Variants in SPG7 observed in about 807,000 individuals in gnomAD.
The protein encoded by SPG7 is mitochondrial inner membrane m-AAA protease component paraplegin.
SPG7 carries 103 observed loss-of-function variants against 81.9 expected under a neutral mutation model. That is an observed-to-expected ratio of 1.26 (90% confidence interval 1.07 to 1.48). The LOEUF (loss-of-function observed/expected upper bound fraction) is 1.48. Ranked by LOEUF, SPG7 falls within the 40% of genes most tolerant of loss-of-function variation. The pLI is 0.00. For synonymous variants in SPG7, 534 were observed against 444.2 expected (o/e 1.20, Z -2.54); for missense variants, 1,241 against 1,087.3 (o/e 1.14, Z -1.99).
chr16:89,536,496 CAGGT>C (rs2058421535), intron 9 of SPG7, among the ~76,000 whole-genome samples: 3 of 43,510 alleles, frequency 6.9e-5, no homozygotes, highest in South Asian at 2.2e-3. Flanking sequence ...TCAGGTGAGG[CAGGT>C]GAGGTGAGGC....
At chr16:89,547,029 C>T in intron 11 of SPG7, 1 of 441,436 alleles carries the variant, frequency 2.3e-6, no homozygotes, top group Non-Finnish European at 4.3e-6. Flanking sequence ...AGTTATGTTG[C>T]TTCCACACAG....
chr16:89,536,162 C>CTCTGA, intron 9 of SPG7, among the ~76,000 whole-genome samples: 2 of 106,292 alleles, frequency 1.9e-5, no homozygotes, highest in Admixed American at 9.5e-5. Context: ...TTCAGTGTGG[C>CTCTGA]CGCTCTGGTG....
chr16:89,523,696 G>C (rs1464040068), intron 3 of SPG7: 2 of 497,602 alleles, frequency 4.0e-6, no homozygotes, highest in South Asian at 3.1e-5. Flanking sequence ...CCAAGTAGCT[G>C]GGACCACAGG....
chr16:89,531,701 C>T lies in SPG7; in HGVS notation c.988-203C>T, dbSNP rs778735628. On this transcript the variant is annotated intron_variant, in intron 7 of 16. Coordinates refer to ENST00000645818, the MANE Select transcript of SPG7 (RefSeq NM_003119.4). The stretch of plus-strand genomic sequence containing the variant: ...CAAGAAGTTTTTAAAAGTAGCTGGG[C>T]GTGGTGCCACATGCCTGTATATTCC... 1,001 of 598,816 alleles carry T rather than the reference C, an allele frequency of 1.7e-3. 5 individuals are homozygous for T. The highest frequency in any genetic ancestry group is 8.7e-4 in the Middle Eastern group (2 of 2,304). 37.1% of individuals were successfully genotyped at this position (598,816 alleles called of 1,614,324 possible). A position where few individuals can be genotyped will look rare whatever the true frequency, so the allele number is the denominator to read the frequency against.
rs752453103 is a variant in SPG7, at chr16:89,508,608, C to T, written c.183+8C>T. 3.4e-6 allele frequency: 5 copies of T among 1,452,326 alleles called. No individual in the cohort carries two copies. The highest frequency in any genetic ancestry group is 1.5e-5 in the African/African-American group (1 of 67,338). 90.0% of individuals were successfully genotyped at this position (1,452,326 alleles called of 1,614,324 possible). On this transcript the variant is annotated splice_region_variant and intron_variant, in intron 1 of 16. Transcript: ENST00000645818. Reference sequence around the variant, plus strand: ...GGAGGCCGAGCTCTGCAGGTAAATCCCCGCGGAGTCCGGGCCCCACCTCCC... The same window carrying T: ...GGAGGCCGAGCTCTGCAGGTAAATCTCCGCGGAGTCCGGGCCCCACCTCCC...
In SPG7 at chr16:89,557,128, G is replaced by A; in HGVS notation, c.*35G>A. The A allele has an allele frequency of 6.4e-7, 1 of 1,562,476 alleles. No homozygotes were observed. On this transcript the variant is annotated 3_prime_UTR_variant, in exon 17 of 17. Coordinates refer to ENST00000645818, the MANE Select transcript of SPG7 (RefSeq NM_003119.4). Reference sequence around the variant, plus strand: ...GTTGGCTGCACGTGCGGGTGGTCCGGGAAGTGAGGGCTCACTCAGCCACCC... The same window carrying A: ...GTTGGCTGCACGTGCGGGTGGTCCGAGAAGTGAGGGCTCACTCAGCCACCC...
chr16:89,529,655 G>A (rs11860549), intron 6 of SPG7, 76 bp downstream of exon 6: 8 of 1,089,736 alleles, frequency 7.3e-6, no homozygotes, highest in South Asian at 2.6e-5. Flanking sequence ...TAAGCTATAC[G>A]ATGAATACAC....
At chr16:89,509,957 A>G (rs1200776727) in intron 1 of SPG7, among the ~76,000 whole-genome samples, 2 of 145,382 alleles carry the variant, frequency 1.4e-5, no homozygotes, top group East Asian at 4.2e-4. Flanking sequence ...CCTGGCCACT[A>G]TCGTGATTTT....
chr16:89,512,160 C>T (rs549295317), intron 2 of SPG7, among the ~76,000 whole-genome samples: 58 of 152,268 alleles, frequency 3.8e-4, no homozygotes, highest in African/African-American at 1.2e-3. Context: ...ATCCACCCGA[C>T]TCGGCCTCCC....
chr16:89,544,231 C>T (rs1231157377), intron 9 of SPG7: 4 of 291,792 alleles, frequency 1.4e-5, no homozygotes, highest in South Asian at 9.6e-5. Flanking sequence ...TAGGGCCAGA[C>T]GTTGAAGATA....
At chr16:89,523,745 G>T (rs765669267) in intron 3 of SPG7, 2 of 595,096 alleles carry the variant, frequency 3.4e-6, no homozygotes, top group South Asian at 1.5e-5. Context: ...TTTCGATTTA[G>T]AAATGGTTTC....
intron 8 of SPG7, 124 bp downstream of exon 8, chr16:89,532,190 G>A (rs2058352951): frequency 1.2e-5 from 14 of 1,134,692 alleles, no homozygotes; most frequent in Non-Finnish European, 1.7e-5. Context: ...GAAGGAAAGC[G>A]AGGTCTGGGT....
At chr16:89,549,631 G>A (rs997212) in intron 12 of SPG7, 105,520 of 207,676 alleles carry the variant, frequency 0.51, 27,518 homozygotes, top group Non-Finnish European at 0.55. Context: ...TCGCACCACT[G>A]CCCTCCAGCC....
In SPG7 at chr16:89,553,852, T is replaced by G. The variant is rs944611963; in HGVS notation, c.1995T>G (p.Phe665Leu). Residue 665 changes from phenylalanine to leucine, a missense_variant, in exon 15 of 17, where the codon TTT becomes TTG. By Grantham distance (22) the Phe-to-Leu change is conservative. Transcript: ENST00000645818. Reference protein sequence around the residue: ...TRIAYSMVKQFGMAPGIGPIS... With the variant: ...TRIAYSMVKQLGMAPGIGPIS... ...TCGCCTACTCCATGGTGAAGCAGTTTGGGATGGCACCTGGCATCGGGCCCA... is the reference window on the plus strand; with the variant it reads ...TCGCCTACTCCATGGTGAAGCAGTTGGGGATGGCACCTGGCATCGGGCCCA... The G allele has an allele frequency of 8.1e-6, 13 of 1,613,536 alleles. No homozygotes were observed. Among genetic ancestry groups the G allele is most frequent in the Non-Finnish European group, 1.1e-5 (13 of 1,180,024 alleles).
chr16:89,550,365 G>T lies in SPG7; in HGVS notation c.1664-129G>T, dbSNP rs531577916. On this transcript the variant is annotated intron_variant, in intron 12 of 16. Transcript: ENST00000645818. The stretch of plus-strand genomic sequence containing the variant: ...TTTTTCTATTTTTAGTAGGGACGGG[G>T]TTTCACCATATTGGTCGGGCTGGTC... 597 of 740,298 alleles carry T rather than the reference G, an allele frequency of 8.1e-4. 10 individuals are homozygous for T. The highest frequency in any genetic ancestry group is 8.0e-3 in the South Asian group (579 of 72,184). 45.9% of individuals were successfully genotyped at this position (740,298 alleles called of 1,614,324 possible). A position where few individuals can be genotyped will look rare whatever the true frequency, so the allele number is the denominator to read the frequency against.
Position 89,553,775 on chromosome 16 carries a change from T to C in SPG7, c.1937-19T>C. Reference sequence around the variant, plus strand: ...GCCTGCAGTGCTGAGGATGCCTCTGTCTCGACCCCGCCCTCCAGGGGCACA... The same window carrying C: ...GCCTGCAGTGCTGAGGATGCCTCTGCCTCGACCCCGCCCTCCAGGGGCACA... On this transcript the variant is annotated intron_variant, in intron 14 of 16. Transcript: ENST00000645818. 4.3e-6 allele frequency: 7 copies of C among 1,613,150 alleles called. No homozygotes were observed. Among genetic ancestry groups the C allele is most frequent in the Non-Finnish European group, 5.9e-6 (7 of 1,179,882 alleles).
intron 10 of SPG7, chr16:89,546,432 C>CT (rs1274152585): frequency 3.9e-6 from 2 of 511,036 alleles, no homozygotes; most frequent in Admixed American, 2.6e-5. Context: ...AACCCCAGCA[C>CT]TTTGGGAGGC....
chr16:89,531,790 C>T (rs796893745), intron 7 of SPG7, 114 bp from the exon 8 acceptor site: 2 of 1,011,582 alleles, frequency 2.0e-6, no homozygotes. Flanking sequence ...CTGCAGTGAG[C>T]TATCATGGCA....
intron 3 of SPG7, chr16:89,517,520 A>G (rs2058115671): frequency 1.3e-5 from 2 of 151,818 alleles, no homozygotes; most frequent in Admixed American, 6.6e-5. Flanking sequence ...GGCAGTCACC[A>G]TGCCCTTTGC....
Sources: gnomAD v4.1 joint callset for allele counts (sites outside exome capture counted in the v4.1 genomes callset) on GRCh38, gnomAD v4.1.1 for gene constraint, MANE v1.5 for transcripts, NCBI Gene and HGNC (gene_info 2026-07-23, HGNC 2026-07-21) for gene names.